Variants in MDH2 observed in about 807,000 individuals in gnomAD.
The protein encoded by MDH2 is malate dehydrogenase 2, also known as malate dehydrogenase, mitochondrial.
A neutral mutation model predicts 33.6 loss-of-function variants in MDH2; 25 were observed. That is an observed-to-expected ratio of 0.74 (90% CI 0.54 to 1.04). The LOEUF (loss-of-function observed/expected upper bound fraction) is 1.04, where lower values mean the gene tolerates loss of function less well. Among genes scored for constraint, MDH2 ranks in the 50% least tolerant of loss-of-function variants. The probability of loss-of-function intolerance (pLI) is 0.00; values close to 1 mark genes in which losing one functional copy is unlikely to be tolerated. For missense variants in MDH2, 432 were observed against 445.0 expected, an observed-to-expected ratio of 0.97 and a Z score of 0.26; for synonymous variants, 193 against 188.7, an observed-to-expected ratio of 1.02 and a Z score of -0.19.
At chr7:76,054,715 A>G in intron 1 of MDH2, 115 bp from the exon 2 acceptor site, 1 of 1,156,682 alleles carries the variant, frequency 8.6e-7, no homozygotes, top group South Asian at 1.3e-5. Context: ...CAATGATTGT[A>G]TCTTGCTTTG....
Position 76,064,934 on chromosome 7 carries a change from C to G in MDH2, c.866C>G (p.Ser289Cys), listed in dbSNP as rs142336603. ...KSQETECTYF[S>C]TPLLLGKKGI... ...CAGGAAACGGAATGTACCTACTTCT[C>G]CACACCGCTGCTGCTTGGGGTACGT... is the stretch of plus-strand genomic sequence containing the variant. The change falls in exon 8 of 9, where the codon TCC (serine) becomes TGC (cysteine). Residue 289 changes from serine to cysteine, a missense_variant. Ser to Cys is a moderately radical substitution (Grantham distance 112, BLOSUM62 -1). Transcript: ENST00000315758. 72 of 1,614,132 alleles carry G rather than the reference C, an allele frequency of 4.5e-5. No homozygotes were observed. The African/African-American group carries it at 9.1e-4, about 20-fold the overall frequency.
Position 76,063,533 on chromosome 7 carries a change from G to A in MDH2, c.574G>A (p.Val192Ile). ...TCACCAGGGTTTGGATCCAGCTCGAGTCAACGTCCCTGTCATTGGTGGCCA... is the reference window on the plus strand; with the variant it reads ...TCACCAGGGTTTGGATCCAGCTCGAATCAACGTCCCTGTCATTGGTGGCCA... ...AELKGLDPAR[V>I]NVPVIGGHAG... Residue 192 changes from valine (V) to isoleucine (I), a missense_variant, in exon 6 of 9, where the codon GTC becomes ATC. Coordinates refer to ENST00000315758, the MANE Select transcript of MDH2 (RefSeq NM_005918.4). 6.2e-7 allele frequency: 1 copy of A among 1,614,230 alleles called. No individual in the cohort carries two copies. The highest frequency in any genetic ancestry group is 2.2e-5 in the East Asian group (1 of 44,892).
intron 5 of MDH2, among the ~76,000 whole-genome samples, chr7:76,062,772 A>T (rs1797990304): frequency 6.6e-6 from 1 of 152,234 alleles, no homozygotes; most frequent in East Asian, 1.9e-4. Context: ...AAAAACATAG[A>T]TTGGGTGTGG....
intron 1 of MDH2, chr7:76,048,437 C>A: frequency 1.8e-6 from 2 of 1,113,240 alleles, no homozygotes; most frequent in Non-Finnish European, 2.4e-6. Flanking sequence ...GAGGTAGTCC[C>A]GCTCCAGGGC....
intron 5 of MDH2, among the ~76,000 whole-genome samples, chr7:76,063,114 G>A (rs1407026727): frequency 3.3e-5 from 5 of 152,222 alleles, no homozygotes; most frequent in African/African-American, 1.2e-4. Context: ...AAGGGAACTT[G>A]GATTGTTCTG....
chr7:76,064,271 G>T, intron 6 of MDH2, 68 bp from the exon 7 acceptor site: 1 of 1,162,910 alleles, frequency 8.6e-7, no homozygotes, highest in Non-Finnish European at 1.2e-6. Flanking sequence ...GAATAGTGGG[G>T]GTGGGAGGCA....
rs558827529 is a variant in MDH2, at chr7:76,059,912, C to T, written c.430-461C>T. 3.3e-5 allele frequency among the ~76,000 whole-genome samples: 5 copies of T among 152,280 alleles called. No homozygotes were observed. The South Asian group carries it at 6.2e-4, about 19-fold the overall frequency. On this transcript the variant is annotated intron_variant, in intron 4 of 8. Transcript: ENST00000315758. The stretch of plus-strand genomic sequence containing the variant: ...AGTATTTATGACTTCATGAGGTTGT[C>T]GTTTCCCCCACTTACAGAAGAAAAA...
intron 1 of MDH2, 154 bp downstream of exon 1, chr7:76,048,380 T>C: frequency 1.6e-6 from 2 of 1,222,108 alleles, no homozygotes; most frequent in Non-Finnish European, 2.2e-6. Flanking sequence ...GGGCAGGCCC[T>C]GACACTGGCC....
chr7:76,057,010 C>G (rs1797804897), intron 2 of MDH2, among the ~76,000 whole-genome samples: 1 of 18,360 alleles, frequency 5.4e-5, no homozygotes, highest in South Asian at 6.2e-3. Context: ...AAGACTCCCT[C>G]TCAAAAAAAA....
At chr7:76,064,768 C>A (rs781795573) in intron 7 of MDH2, 34 bp from the exon 8 acceptor site, 61 of 1,594,904 alleles carry the variant, frequency 3.8e-5, no homozygotes, top group Non-Finnish European at 4.9e-5. Context: ...ACGTTTGTGG[C>A]ACCAGCCAGG....
chr7:76,051,750 G>A (rs141446940), intron 1 of MDH2, among the ~76,000 whole-genome samples: 146 of 152,186 alleles, frequency 9.6e-4, no homozygotes, highest in African/African-American at 1.5e-3. Context: ...ACCATAACAC[G>A]TTATAAAGTG....
intron 4 of MDH2, among the ~76,000 whole-genome samples, chr7:76,059,927 C>G (rs1298052604): frequency 2.6e-5 from 4 of 152,144 alleles, no homozygotes; most frequent in African/African-American, 7.2e-5. Context: ...CCCCCACTTA[C>G]AGAAGAAAAA....
In MDH2 at chr7:76,066,528, A is replaced by C; in HGVS notation, c.*118A>C. 1 of 1,271,232 alleles carries C rather than the reference A, an allele frequency of 7.9e-7. No homozygotes were observed. The highest frequency in any genetic ancestry group is 2.1e-5 in the South Asian group (1 of 47,220). The allele number at this position is 1,271,232 out of a possible 1,614,324, so 78.7% of individuals were successfully genotyped here. A position where few individuals can be genotyped will look rare whatever the true frequency, so the allele number is the denominator to read the frequency against. On this transcript the variant is annotated 3_prime_UTR_variant, in exon 9 of 9. Transcript: ENST00000315758. ...TGGTGATGATTACTGTATTGACATC[A>C]TCATGCCTTCCAAATTGTGGGTGGC...
chr7:76,065,412 G>A (rs915949361), intron 8 of MDH2, among the ~76,000 whole-genome samples: 2 of 152,180 alleles, frequency 1.3e-5, no homozygotes, highest in Non-Finnish European at 2.9e-5. Context: ...CCCTCAAGCC[G>A]AGTTTCCATT....
intron 1 of MDH2, among the ~76,000 whole-genome samples, chr7:76,051,673 TTTAC>T (rs1554585460): frequency 1.3e-4 from 20 of 152,306 alleles, no homozygotes; most frequent in Admixed American, 1.3e-3. Context: ...CCCCAATGTA[TTTAC>T]TTATAGGTAT....
At chr7:76,059,224 A>G (rs536904069) in intron 4 of MDH2, among the ~76,000 whole-genome samples, 16 of 152,344 alleles carry the variant, frequency 1.1e-4, no homozygotes, top group Non-Finnish European at 1.9e-4. Context: ...GATTACAGGC[A>G]TGAGCCACTG....
chr7:76,059,867 C>T (rs909374088), intron 4 of MDH2, among the ~76,000 whole-genome samples: 25 of 152,324 alleles, frequency 1.6e-4, no homozygotes, highest in African/African-American at 5.1e-4. Flanking sequence ...GTTCAGCACT[C>T]GCCGTGTGTG....
chr7:76,048,143 G>T lies in MDH2; in HGVS notation c.-18G>T. On this transcript the variant is annotated 5_prime_UTR_variant, in exon 1 of 9. Transcript: ENST00000315758. ...CCAGCTCCTGTGCCTGCCAGTCGGT[G>T]CCCCTCCCGCTCCAGCCATGCTCTC... 1 of 1,536,484 alleles carries T rather than the reference G, an allele frequency of 6.5e-7. No homozygotes were observed. The highest frequency in any genetic ancestry group is 8.7e-7 in the Non-Finnish European group (1 of 1,146,462).
Position 76,060,398 on chromosome 7 carries a change from CAGA to C in MDH2, c.458_460del (p.Glu153del). 1 of 1,614,160 alleles carries C rather than the reference CAGA, an allele frequency of 6.2e-7. No individual in the cohort carries two copies. Among genetic ancestry groups the C allele is most frequent in the East Asian group, 2.2e-5 (1 of 44,880 alleles). On this transcript the variant is annotated inframe_deletion, in exon 5 of 9. Transcript: ENST00000315758. ...GTTAATTCCACCATCCCCATCACAG[CAGA>C]AGTTTTCAAGAAGCATGGAGTGTAC...
Sources: allele counts gnomAD v4.1 joint callset (sites outside exome capture counted in the v4.1 genomes callset), GRCh38; gene constraint gnomAD v4.1.1; transcripts MANE v1.5; gene names NCBI Gene and HGNC (gene_info 2026-07-23, HGNC 2026-07-21).